The following HERC1 variants were observed in gnomAD, a reference collection of about 807,000 sequenced individuals.
The protein encoded by HERC1 is HECT and RLD domain containing E3 ubiquitin protein ligase family member 1.
Under a neutral mutation model 554.3 loss-of-function variants are expected in HERC1, and 160 were observed. The observed-to-expected ratio is 0.29, with a 90% CI of 0.25 to 0.33. The LOEUF (loss-of-function observed/expected upper bound fraction) is 0.33. Among genes scored for constraint, HERC1 ranks in the 10% least tolerant of loss-of-function variants. HERC1 has a pLI of 1.00. For missense variants in HERC1, 4,919 were observed against 5,918.5 expected (o/e 0.83, Z 5.54); for synonymous variants, 2,175 against 2,131.7 (o/e 1.02, Z -0.56).
At chr15:63,706,248 TATGTAAGAGATATAATATCTCTTC>T (rs1183242767) in intron 25 of HERC1, among the ~76,000 whole-genome samples, 2 of 152,086 alleles carry the variant, frequency 1.3e-5, no homozygotes, top group Non-Finnish European at 2.9e-5. Flanking sequence ...AAATATTTTT[TATGTAAGAGATATAATATCTCTTC>T]ATGTAAGAGA....
intron 14 of HERC1, among the ~76,000 whole-genome samples, chr15:63,731,477 C>A (rs1029689670): frequency 1.3e-5 from 2 of 152,160 alleles, no homozygotes; most frequent in Admixed American, 6.5e-5. Context: ...TTGTAACATT[C>A]CTTATAACTT....
chr15:63,708,632 A>G (rs1037122056), intron 24 of HERC1, among the ~76,000 whole-genome samples: 6 of 152,256 alleles, frequency 3.9e-5, no homozygotes, highest in African/African-American at 1.4e-4. Context: ...ATAACACGTC[A>G]TATAATACAT....
chr15:63,662,540 G>C (rs1047165730), intron 44 of HERC1, among the ~76,000 whole-genome samples: 2 of 152,092 alleles, frequency 1.3e-5, no homozygotes, highest in African/African-American at 4.8e-5. Context: ...CCTAAATGGA[G>C]GTATTTACAA....
chr15:63,669,866 G>A (rs1221559357), intron 39 of HERC1, among the ~76,000 whole-genome samples, 168 bp from the exon 40 acceptor site: 2 of 152,214 alleles, frequency 1.3e-5, no homozygotes, highest in Non-Finnish European at 2.9e-5. Context: ...ATTATCTCAT[G>A]CAGCACTTTC....
chr15:63,756,959 A>AT lies in HERC1; in HGVS notation c.1222-212dup, dbSNP rs2075436630. On this transcript the variant is annotated intron_variant, in intron 4 of 77. Coordinates refer to ENST00000443617, the MANE Select transcript of HERC1 (RefSeq NM_003922.4). This position sits in a 1 kb window ranked among gnomAD's most constrained non-coding sequence, Gnocchi z 5.0. ...GTTGCTGAGTTCAAATTCTTCATGT[A>AT]TATGTTATCTTTCCAGGTTATTGTC... 2.0e-5 allele frequency among the ~76,000 whole-genome samples: 3 copies of AT among 152,284 alleles called. No individual in the cohort carries two copies. The highest frequency in any genetic ancestry group is 6.5e-5 in the Admixed American group (1 of 15,298).
At chr15:63,691,110 G>T (rs545134506) in intron 31 of HERC1, among the ~76,000 whole-genome samples, 1 of 152,264 alleles carries the variant, frequency 6.6e-6, no homozygotes, top group Admixed American at 6.5e-5. Flanking sequence ...CTCCGTCCAT[G>T]CACTGACTGT....
chr15:63,666,698 G>A (rs369672881), intron 40 of HERC1, among the ~76,000 whole-genome samples: 339 of 152,186 alleles, frequency 2.2e-3, no homozygotes, highest in Admixed American at 3.2e-3. Context: ...ATAAGAGTAT[G>A]TAAATAACCC....
chr15:63,770,282 C>T (rs536029105), intron 2 of HERC1, among the ~76,000 whole-genome samples: 1 of 152,266 alleles, frequency 6.6e-6, no homozygotes, highest in South Asian at 2.1e-4. Flanking sequence ...GTACTTCCTC[C>T]GTAAGACATT....
Position 63,638,456 on chromosome 15 carries a change from A to G in HERC1, c.12048T>C (p.Asn4016=). The G allele has an allele frequency of 1.9e-6, 3 of 1,613,792 alleles. No homozygotes were observed. Among genetic ancestry groups the G allele is most frequent in the Non-Finnish European group, 2.5e-6 (3 of 1,179,778 alleles). ...AGGGAGCTGCTGCAGGTACCATTAC[A>G]TTTCTTCCAGCTTCTGCCAGCTGTC... ...RHGQLAEAGR[N]VMVPAAAPSF... is the part of the protein sequence containing the mutation. Residue 4016 remains asparagine (N), a synonymous_variant, in exon 63 of 78, where the codon AAT becomes AAC. Transcript: ENST00000443617.
At chr15:63,615,061 T>G (rs1211757688) in intron 76 of HERC1, among the ~76,000 whole-genome samples, 1 of 152,110 alleles carries the variant, frequency 6.6e-6, no homozygotes, top group Non-Finnish European at 1.5e-5. Context: ...CCATGTGAGG[T>G]CATAAGACCA....
intron 15 of HERC1, 22 bp from the exon 16 acceptor site, chr15:63,729,390 A>C (rs764201182): frequency 6.3e-7 from 1 of 1,592,530 alleles, no homozygotes; most frequent in Non-Finnish European, 8.5e-7. Context: ...AAAAGTTCCT[A>C]AATTACTACT....
At chr15:63,753,275 T>C (rs771365591) in intron 7 of HERC1, among the ~76,000 whole-genome samples, 190 bp from the exon 8 acceptor site, 1 of 152,194 alleles carries the variant, frequency 6.6e-6, no homozygotes, top group African/African-American at 2.4e-5. Context: ...CAACCACTGA[T>C]AGCCTTTTAT....
In HERC1 at chr15:63,811,809, C is replaced by CAAA. The variant is rs374847616; in HGVS notation, c.-27+22015_-27+22017dup. On this transcript the variant is annotated intron_variant, in intron 1 of 77. Coordinates refer to ENST00000443617, the MANE Select transcript of HERC1 (RefSeq NM_003922.4). ...GGGCGACTCAGTGAGACTCCGTCTC[C>CAAA]AAAAAAAAAAAAAAAAAAACAGAAA... is the stretch of plus-strand genomic sequence containing the variant. Among the ~76,000 whole-genome samples the CAAA allele has an allele frequency of 8.2e-4, 63 of 77,160 alleles. 1 individual carries two copies. Among genetic ancestry groups the CAAA allele is most frequent in the African/African-American group, 3.0e-3 (58 of 19,438 alleles). The allele number at this position is 77,160 out of a possible 152,430, so 50.6% of individuals were successfully genotyped here.
chr15:63,758,121 G>T lies in HERC1; in HGVS notation c.1221+54C>A. ...ACTCAGTATTATTTAATGCAAATAA[G>T]CATGAATATACACCAGATTATCTAC... On this transcript the variant is annotated intron_variant, in intron 4 of 77. Transcript: ENST00000443617. The surrounding 1 kb of genome is among the most constrained non-coding windows in gnomAD (Gnocchi z 4.0). 2.4e-6 allele frequency: 3 copies of T among 1,244,722 alleles called. No homozygotes were observed. The highest frequency in any genetic ancestry group is 2.3e-6 in the Non-Finnish European group (2 of 874,762). 77.1% of individuals were successfully genotyped at this position (1,244,722 alleles called of 1,614,324 possible).
chr15:63,716,326 C>T lies in HERC1; in HGVS notation c.4126G>A (p.Glu1376Lys), dbSNP rs908957306. The change falls in exon 22 of 78, where the codon GAA becomes AAA. Residue 1376 changes from glutamate (E) to lysine (K), a missense_variant. Physicochemically the swap from Glu to Lys is moderately conservative, Grantham distance 56 (BLOSUM62 1). This residue lies in a region of HERC1 where 1,121 missense variants were observed against 1,244.0 expected (regional missense o/e 0.90). Coordinates refer to ENST00000443617, the MANE Select transcript of HERC1 (RefSeq NM_003922.4). Reference protein sequence around the residue: ...PEPEDEEEEREHEVMTAGKIF... With the variant: ...PEPEDEEEERKHEVMTAGKIF... ...CTGCCAGCTGTCATCACTTCATGTT[C>T]CCGTTCCTCCTCTTCATCCTCTGGC... 2.7e-5 allele frequency: 43 copies of T among 1,613,566 alleles called. No homozygotes were observed. Among genetic ancestry groups the T allele is most frequent in the Middle Eastern group, 3.3e-4 (2 of 6,080 alleles).
At position 63,698,865 on chromosome 15, in the gene HERC1, T is replaced by C; in HGVS notation, c.4768A>G (p.Thr1590Ala). Residue 1590 changes from threonine (T) to alanine (A), a missense_variant, in exon 26 of 78, where the codon ACT becomes GCT. Around this residue, in one of 11 missense-constraint regions of HERC1, gnomAD observed 1,121 missense variants for 1,244.0 expected, o/e 0.90. Transcript: ENST00000443617. ...FDLTKSLGVH[T>A]LIENVVSFVS... ...AAGCTTACAACATTTTCAATCAAAG[T>C]GTGAACTCCCAAAGACTTGGTAAGA... 1 of 1,613,932 alleles carries C rather than the reference T, an allele frequency of 6.2e-7. No homozygotes were observed. The highest frequency in any genetic ancestry group is 8.5e-7 in the Non-Finnish European group (1 of 1,179,868).
intron 1 of HERC1, among the ~76,000 whole-genome samples, chr15:63,776,969 T>G (rs1356214296): frequency 6.6e-6 from 1 of 152,180 alleles, no homozygotes; most frequent in African/African-American, 2.4e-5. Context: ...GCATCAGAAA[T>G]AAGATGCATT....
chr15:63,807,211 C>T (rs1485490866), intron 1 of HERC1, among the ~76,000 whole-genome samples: 2 of 152,188 alleles, frequency 1.3e-5, no homozygotes, highest in African/African-American at 2.4e-5. Context: ...CTATTCTCTA[C>T]CCTTCAAGCT....
chr15:63,635,905 A>G, intron 65 of HERC1, 56 bp downstream of exon 65: 1 of 1,539,292 alleles, frequency 6.5e-7, no homozygotes. Flanking sequence ...TAAGAAACCT[A>G]TTCAACAACT....
Sources: allele counts gnomAD v4.1 joint callset (sites outside exome capture counted in the v4.1 genomes callset), GRCh38; gene constraint gnomAD v4.1.1; regional missense constraint gnomAD v4.1.1; non-coding constraint Gnocchi (gnomAD v3.1); transcripts MANE v1.5; gene names NCBI Gene and HGNC (gene_info 2026-07-23, HGNC 2026-07-21).